The following SH3GL3 variants were observed in gnomAD, a reference collection of about 807,000 sequenced individuals.
SH3GL3 encodes the protein SH3 domain containing GRB2 like 3, endophilin A3.
SH3GL3 carries 33 observed loss-of-function variants against 47.7 expected under a neutral mutation model. The observed-to-expected ratio is 0.69, with a 90% CI of 0.52 to 0.92. SH3GL3 has a LOEUF of 0.92. SH3GL3 is among the 40% of genes least tolerant of loss of function. The pLI is 0.00. For synonymous variants in SH3GL3, 155 were observed against 148.8 expected, an observed-to-expected ratio of 1.04 and a Z score of -0.30; for missense variants, 363 against 417.8, an observed-to-expected ratio of 0.87 and a Z score of 1.14.
intron 1 of SH3GL3, among the ~76,000 whole-genome samples, chr15:83,508,270 T>C (rs1482169058): frequency 1.3e-5 from 2 of 151,994 alleles, no homozygotes; most frequent in South Asian, 2.1e-4. Flanking sequence ...GTGGTCACCA[T>C]AGGTCTCATT....
chr15:83,503,463 AG>A (rs2042371218), intron 1 of SH3GL3, among the ~76,000 whole-genome samples: 1 of 152,218 alleles, frequency 6.6e-6, no homozygotes, highest in African/African-American at 2.4e-5. Context: ...AGTTGTTACC[AG>A]TTTTCACTAA....
downstream of SH3GL3, among the ~76,000 whole-genome samples, chr15:83,621,243 A>G (rs76105896): frequency 7.9e-5 from 12 of 152,346 alleles, no homozygotes; most frequent in African/African-American, 1.2e-4. Flanking sequence ...CTGAGGCAAG[A>G]GGCCTAACTT....
chr15:83,463,803 C>T (rs2040430242), intron 1 of SH3GL3, among the ~76,000 whole-genome samples: 2 of 136,228 alleles, frequency 1.5e-5, no homozygotes, highest in South Asian at 4.5e-4. Context: ...GAGTCTTGCT[C>T]TGTCACCCAG....
chr15:83,474,984 A>C (rs1026742744), intron 1 of SH3GL3, among the ~76,000 whole-genome samples: 1 of 151,734 alleles, frequency 6.6e-6, no homozygotes, highest in African/African-American at 2.4e-5. Context: ...GTAGTGACCT[A>C]TTTAGGAATC....
intron 1 of SH3GL3, among the ~76,000 whole-genome samples, chr15:83,533,447 A>G (rs1249732872): frequency 1.3e-5 from 2 of 152,216 alleles, no homozygotes; most frequent in Non-Finnish European, 2.9e-5. Flanking sequence ...GAGCATATAC[A>G]GAGGCTTAGG....
At chr15:83,561,378 T>TA (rs1390592923) in intron 2 of SH3GL3, among the ~76,000 whole-genome samples, 1 of 152,158 alleles carries the variant, frequency 6.6e-6, no homozygotes, top group Non-Finnish European at 1.5e-5. Context: ...AAATGGAAAG[T>TA]AAAATGACAT....
chr15:83,458,569 A>G (rs2040114762), intron 1 of SH3GL3, among the ~76,000 whole-genome samples: 1 of 152,208 alleles, frequency 6.6e-6, no homozygotes, highest in Non-Finnish European at 1.5e-5. Context: ...TGAATCTGAT[A>G]TCCGAGTCAA....
intron 1 of SH3GL3, among the ~76,000 whole-genome samples, chr15:83,527,448 C>G (rs1237603809): frequency 6.6e-6 from 1 of 151,962 alleles, no homozygotes; most frequent in African/African-American, 2.4e-5. Context: ...TTATTGATCC[C>G]CTTATCATTA....
chr15:83,537,764 C>T (rs1041786215), intron 1 of SH3GL3, among the ~76,000 whole-genome samples: 2 of 152,062 alleles, frequency 1.3e-5, no homozygotes, highest in Non-Finnish European at 2.9e-5. Context: ...TTGGCTTTAT[C>T]CTCAGCTCTC....
chr15:83,546,493 G>A (rs1189980544), intron 1 of SH3GL3, among the ~76,000 whole-genome samples: 1 of 152,090 alleles, frequency 6.6e-6, no homozygotes, highest in Non-Finnish European at 1.5e-5. Context: ...TGGAACTGAG[G>A]AAATGAGAAA....
At position 83,588,651 on chromosome 15, in the gene SH3GL3, G is replaced by A. The variant is rs999369048; in HGVS notation, c.729-11G>A. 6.0e-6 allele frequency: 9 copies of A among 1,507,216 alleles called. No homozygotes were observed. The highest frequency in any genetic ancestry group is 1.4e-5 in the African/African-American group (1 of 72,704). 93.4% of individuals were successfully genotyped at this position (1,507,216 alleles called of 1,614,324 possible). A position where few individuals can be genotyped will look rare whatever the true frequency, so the allele number is the denominator to read the frequency against. On this transcript the variant is annotated splice_polypyrimidine_tract_variant and intron_variant, in intron 7 of 8. Coordinates refer to ENST00000427482, the MANE Select transcript of SH3GL3 (RefSeq NM_003027.5). ...TCAGATGTCTGGCTCATCTTACGAT[G>A]TGTGTTACAGAATATCAGCTGCATC...
At chr15:83,476,534 T>C (rs1382843459) in intron 1 of SH3GL3, among the ~76,000 whole-genome samples, 1 of 152,270 alleles carries the variant, frequency 6.6e-6, no homozygotes, top group Non-Finnish European at 1.5e-5. Context: ...CCACTGCCTG[T>C]TTTATTGTAC....
intron 1 of SH3GL3, among the ~76,000 whole-genome samples, chr15:83,541,001 T>C (rs1431804572): frequency 1.3e-5 from 2 of 152,166 alleles, no homozygotes; most frequent in Admixed American, 6.5e-5. Flanking sequence ...AGTTCAATTG[T>C]TTAAATTTTT....
intron 8 of SH3GL3, among the ~76,000 whole-genome samples, chr15:83,617,270 G>A (rs2060848714): frequency 6.6e-6 from 1 of 152,068 alleles, no homozygotes; most frequent in South Asian, 2.1e-4. Context: ...TCTCCTCCCG[G>A]CCCTTGTCCT....
chr15:83,518,148 T>C (rs980072249), intron 1 of SH3GL3, among the ~76,000 whole-genome samples: 3 of 152,116 alleles, frequency 2.0e-5, no homozygotes, highest in Admixed American at 6.6e-5. Flanking sequence ...TCCAGTCCAC[T>C]GTCGATGTGA....
the SH3GL3 span, among the ~76,000 whole-genome samples, chr15:83,625,863 T>G: frequency 2.1e-4 from 32 of 152,220 alleles, no homozygotes; most frequent in East Asian, 3.7e-3. Context: ...GATGGAGTCT[T>G]GCTCTGTCAC....
chr15:83,567,169 G>A (rs954742406), intron 3 of SH3GL3, among the ~76,000 whole-genome samples: 1 of 152,036 alleles, frequency 6.6e-6, no homozygotes, highest in Non-Finnish European at 1.5e-5. Context: ...ACTTTGTCCT[G>A]TATTAATAGC....
intron 3 of SH3GL3, among the ~76,000 whole-genome samples, chr15:83,568,155 T>G (rs997274434): frequency 1.3e-5 from 2 of 151,974 alleles, no homozygotes; most frequent in African/African-American, 4.8e-5. Context: ...GCTAATTTTT[T>G]GTATTTTTAG....
At chr15:83,559,380 A>G (rs2045136133) in intron 2 of SH3GL3, 59 bp downstream of exon 2, 1 of 893,318 alleles carries the variant, frequency 1.1e-6, no homozygotes, top group Non-Finnish European at 1.9e-6. Context: ...GATATGAGAT[A>G]TACTGCTATT....
Sources: allele counts gnomAD v4.1 joint callset (sites outside exome capture counted in the v4.1 genomes callset), GRCh38; gene constraint gnomAD v4.1.1; transcripts MANE v1.5; gene names NCBI Gene and HGNC (gene_info 2026-07-23, HGNC 2026-07-21).